Variants in ATP6V1A observed in about 807,000 individuals in gnomAD.
The protein encoded by ATP6V1A is V-type proton ATPase catalytic subunit A.
Under a neutral mutation model 70.1 loss-of-function variants are expected in ATP6V1A, and 18 were observed. That is an observed-to-expected ratio of 0.26 (90% CI 0.18 to 0.38). The LOEUF (loss-of-function observed/expected upper bound fraction) is 0.38. Ranked by LOEUF, ATP6V1A falls within the 10% of genes least tolerant of loss-of-function variation. The pLI is 1.00. For missense variants in ATP6V1A, 424 were observed against 772.4 expected, an observed-to-expected ratio of 0.55 and a Z score of 5.35; for synonymous variants, 232 against 253.8, an observed-to-expected ratio of 0.91 and a Z score of 0.82.
intron 1 of ATP6V1A, among the ~76,000 whole-genome samples, chr3:113,776,316 G>A (rs1320097511): frequency 6.6e-6 from 1 of 152,152 alleles, no homozygotes; most frequent in Non-Finnish European, 1.5e-5. Flanking sequence ...GCTGCAGTGA[G>A]CCGTGATCAC....
intron 1 of ATP6V1A, among the ~76,000 whole-genome samples, chr3:113,753,353 T>TA (rs762259488): frequency 6.6e-6 from 1 of 152,190 alleles, no homozygotes; most frequent in Non-Finnish European, 1.5e-5. Flanking sequence ...TGTGAAGTGT[T>TA]AGAGTTTTTC....
Position 113,784,785 on chromosome 3 carries a change from CAG to C in ATP6V1A, c.519_520del (p.Gly174AsnfsTer12). 1 of 1,614,042 alleles carries C rather than the reference CAG, an allele frequency of 6.2e-7. No homozygotes were observed. Among genetic ancestry groups the C allele is most frequent in the Non-Finnish European group, 8.5e-7 (1 of 1,179,928 alleles). On this transcript the variant is annotated frameshift_variant, in exon 5 of 15. Coordinates refer to ENST00000273398, the MANE Select transcript of ATP6V1A (RefSeq NM_001690.4). LOFTEE classifies it high-confidence loss of function. ...ACAAAATCATGTTACCCCCACGAAA[CAG>C]AGGAACTGTAACTTACATTGCTCCA... The part of the protein sequence containing the change: ...KHKIMLPPRN[R>X]GTVTYIAPPG...
At chr3:113,776,245 A>G (rs1395736412) in intron 1 of ATP6V1A, among the ~76,000 whole-genome samples, 1 of 146,912 alleles carries the variant, frequency 6.8e-6, no homozygotes, top group African/African-American at 2.5e-5. Flanking sequence ...TGTCATGCCA[A>G]CTACTGGGTG....
intron 1 of ATP6V1A, among the ~76,000 whole-genome samples, chr3:113,761,870 T>C (rs1708708721): frequency 7.8e-6 from 1 of 128,992 alleles, no homozygotes; most frequent in Non-Finnish European, 1.7e-5. Context: ...TTGGTAAAGT[T>C]GGCTGGGCAC....
At chr3:113,778,881 T>G (rs1274455120) in intron 2 of ATP6V1A, 46 bp downstream of exon 2, 2 of 1,222,562 alleles carry the variant, frequency 1.6e-6, no homozygotes, top group Non-Finnish European at 2.3e-6. Context: ...CTAACTTTGA[T>G]TAATGTCTTT....
At chr3:113,761,274 G>A (rs546501077) in intron 1 of ATP6V1A, among the ~76,000 whole-genome samples, 11 of 151,822 alleles carry the variant, frequency 7.2e-5, no homozygotes, top group Admixed American at 2.0e-4. Context: ...AGCATTTTTA[G>A]TACAACACTG....
At chr3:113,748,686 A>G (rs1346925670) in intron 1 of ATP6V1A, among the ~76,000 whole-genome samples, 3 of 152,228 alleles carry the variant, frequency 2.0e-5, no homozygotes, top group Admixed American at 6.5e-5. Flanking sequence ...TACATAACCT[A>G]GCTTATTGAT....
In ATP6V1A at chr3:113,810,039, T is replaced by A. The variant is rs1326285385; in HGVS notation, c.*612T>A. ...ACTCTTTTTATTTTTATTTTTTATT[T>A]TTTTTATTATTTTTTTTTTGGGGAC... On this transcript the variant is annotated 3_prime_UTR_variant, in exon 15 of 15. Transcript: ENST00000273398. The A allele has an allele frequency of 6.6e-6, 1 of 151,940 alleles. No individual in the cohort carries two copies. The highest frequency in any genetic ancestry group is 1.9e-4 in the East Asian group (1 of 5,194). The allele number at this position is 151,940 out of a possible 1,614,324, so 9.4% of individuals were successfully genotyped here.
At chr3:113,763,922 A>G (rs977161748) in intron 1 of ATP6V1A, among the ~76,000 whole-genome samples, 1 of 152,182 alleles carries the variant, frequency 6.6e-6, no homozygotes, top group South Asian at 2.1e-4. Flanking sequence ...TCTTACCTTG[A>G]CTTTACCTAG....
rs545632902 is a variant in ATP6V1A at position 113,778,429 on chromosome 3, T to G, written c.-13-312T>G. Among the ~76,000 whole-genome samples, 6 of 151,840 alleles carry G rather than the reference T, an allele frequency of 4.0e-5. No homozygotes were observed. The South Asian group carries it at 1.3e-3, about 32-fold the overall frequency. ...ACAAACAAACAAACAAAAAACTAGT[T>G]GGGCATGGTGGTACACACCTGTAGT... On this transcript the variant is annotated intron_variant, in intron 1 of 14. Coordinates refer to ENST00000273398, the MANE Select transcript of ATP6V1A (RefSeq NM_001690.4).
intron 12 of ATP6V1A, among the ~76,000 whole-genome samples, chr3:113,800,207 G>A (rs1709195606): frequency 1.3e-5 from 2 of 151,400 alleles, no homozygotes; most frequent in South Asian, 4.2e-4. Flanking sequence ...ACTCTAGCCT[G>A]GGTGACAGAG....
chr3:113,795,949 T>C lies in ATP6V1A; in HGVS notation c.1290+10T>C. On this transcript the variant is annotated intron_variant, in intron 11 of 14. Coordinates refer to ENST00000273398, the MANE Select transcript of ATP6V1A (RefSeq NM_001690.4). ...TCTTGGTATCGTTCAGGTATGTCTT[T>C]CCCTAGTATAGTCAACTTCTGAGCC... The C allele has an allele frequency of 6.2e-7, 1 of 1,602,064 alleles. No individual in the cohort carries two copies.
chr3:113,791,404 T>A (rs2108035419), intron 8 of ATP6V1A, among the ~76,000 whole-genome samples: 1 of 152,116 alleles, frequency 6.6e-6, no homozygotes, highest in South Asian at 2.1e-4. Flanking sequence ...GTTTTTTTTT[T>A]TTTTTAACTG....
intron 1 of ATP6V1A, among the ~76,000 whole-genome samples, chr3:113,749,769 A>C (rs756638317): frequency 6.6e-6 from 1 of 152,218 alleles, no homozygotes; most frequent in Non-Finnish European, 1.5e-5. Context: ...ATGTTGGGCA[A>C]TTAGACAAAG....
intron 1 of ATP6V1A, among the ~76,000 whole-genome samples, chr3:113,755,527 G>C (rs1349386973): frequency 6.6e-6 from 1 of 152,134 alleles, no homozygotes; most frequent in Non-Finnish European, 1.5e-5. Context: ...CTTGAGCCTG[G>C]GAGGCAGAGG....
At chr3:113,774,299 A>G (rs1708884082) in intron 1 of ATP6V1A, among the ~76,000 whole-genome samples, 1 of 152,228 alleles carries the variant, frequency 6.6e-6, no homozygotes, top group Non-Finnish European at 1.5e-5. Context: ...CACTTTAGAA[A>G]TGGACACTTT....
chr3:113,807,990 C>A (rs1242341045), intron 14 of ATP6V1A, among the ~76,000 whole-genome samples: 1 of 151,794 alleles, frequency 6.6e-6, no homozygotes, highest in Non-Finnish European at 1.5e-5. Context: ...ATTAGCTGGG[C>A]GTGATGGTGC....
Position 113,784,571 on chromosome 3 carries a change from A to T in ATP6V1A, c.427-125A>T. On this transcript the variant is annotated intron_variant, in intron 4 of 14. Transcript: ENST00000273398. ...ATAGTTTAAAGTTTTTCTTAACTCT[A>T]CTTCATGGGATTTTAGAACTAATGT... 2.1e-6 allele frequency: 3 copies of T among 1,405,972 alleles called. No homozygotes were observed. In the Admixed American group the frequency reaches 6.7e-5, roughly 32 times the overall value. 87.1% of individuals were successfully genotyped at this position (1,405,972 alleles called of 1,614,324 possible).
At chr3:113,768,909 CAAAG>C (rs1342394381) in intron 1 of ATP6V1A, among the ~76,000 whole-genome samples, 1 of 152,034 alleles carries the variant, frequency 6.6e-6, no homozygotes, top group Non-Finnish European at 1.5e-5. Context: ...TTTAAAAGAA[CAAAG>C]AAATTATTTC....
Sources: gnomAD v4.1 joint callset for allele counts (sites outside exome capture counted in the v4.1 genomes callset) on GRCh38, gnomAD v4.1.1 for gene constraint, MANE v1.5 for transcripts, NCBI Gene and HGNC (gene_info 2026-07-23, HGNC 2026-07-21) for gene names.